CNTRL: variants seen among roughly 807,000 people sequenced by gnomAD.
CNTRL encodes centriolin, also known as 110 kDa centrosomal protein.
Under a neutral mutation model 303.7 loss-of-function variants are expected in CNTRL, and 233 were observed. The observed-to-expected ratio is 0.77, with a 90% CI of 0.69 to 0.86. CNTRL has a LOEUF of 0.86. Among genes scored for constraint, CNTRL ranks in the 40% least tolerant of loss-of-function variants. The pLI is 0.00. For missense variants in CNTRL, 2,524 were observed against 2,650.6 expected, an observed-to-expected ratio of 0.95 and a Z score of 1.05; for synonymous variants, 900 against 922.2, an observed-to-expected ratio of 0.98 and a Z score of 0.44.
chr9:121,122,010 T>A, intron 12 of CNTRL: 1 of 793,220 alleles, frequency 1.3e-6, no homozygotes, highest in Non-Finnish European at 1.5e-6. Context: ...GTCAGAGATG[T>A]AAGTTCCTGT....
chr9:121,161,056 G>A (rs1236294214), intron 32 of CNTRL, among the ~76,000 whole-genome samples: 2 of 152,244 alleles, frequency 1.3e-5, no homozygotes, highest in East Asian at 3.9e-4. Context: ...ATGCAAACAT[G>A]ACCATGAGAA....
At position 121,135,970 on chromosome 9, in the gene CNTRL, A is replaced by G. The variant is rs1412443471; in HGVS notation, c.2190A>G (p.Thr730=). 22 of 1,609,248 alleles carry G rather than the reference A, an allele frequency of 1.4e-5. No homozygotes were observed. Among genetic ancestry groups the G allele is most frequent in the Non-Finnish European group, 1.6e-5 (19 of 1,176,440 alleles). Residue 730 remains threonine (T), a synonymous_variant, in exon 15 of 44, where the codon ACA becomes ACG. Coordinates refer to ENST00000373855, the MANE Select transcript of CNTRL (RefSeq NM_007018.6). The stretch of plus-strand genomic sequence containing the variant: ...TCAAGGAAGAGTTGGAAAAAGTAAC[A>G]AGACTTACCCAGGTAAGTAGGAGCA... ...NQLKEELEKV[T]RLTQLEQSAL...
Position 121,144,911 on chromosome 9 carries a change from AG to A in CNTRL, c.3121del (p.Ala1041LeufsTer26). On this transcript the variant is annotated frameshift_variant, in exon 21 of 44. Coordinates refer to ENST00000373855, the MANE Select transcript of CNTRL (RefSeq NM_007018.6). LOFTEE classifies it high-confidence loss of function. ...QAARDLTRAEAEIELLQNLLR... is the reference protein window; with the variant it reads ...QAARDLTRAEXEIELLQNLLR... The stretch of plus-strand genomic sequence containing the variant: ...CAGCCAGAGATCTCACCCGAGCAGA[AG>A]CTGAGATCGAACTCCTGCAGAATCT... The A allele has an allele frequency of 6.2e-7, 1 of 1,613,622 alleles. No individual in the cohort carries two copies. The highest frequency in any genetic ancestry group is 8.5e-7 in the Non-Finnish European group (1 of 1,179,942).
intron 35 of CNTRL, 53 bp downstream of exon 35, chr9:121,165,153 T>C (rs2053035809): frequency 2.0e-6 from 3 of 1,476,168 alleles, no homozygotes; most frequent in Non-Finnish European, 2.7e-6. Context: ...CTTCGTTAGA[T>C]TCTTTGATTT....
At position 121,161,918 on chromosome 9, in the gene CNTRL, C is replaced by T. The variant is rs2052871440; in HGVS notation, c.5152C>T (p.Gln1718Ter). 1 of 1,614,150 alleles carries T rather than the reference C, an allele frequency of 6.2e-7. No individual in the cohort carries two copies. Residue 1718 changes from glutamine to a stop codon, truncating the protein, a stop_gained, in exon 33 of 44, where the codon CAA becomes TAA. Coordinates refer to ENST00000373855, the MANE Select transcript of CNTRL (RefSeq NM_007018.6). LOFTEE classifies it high-confidence loss of function. ...CCATGAGCTACAAGGTTTGAAGCTA[C>T]AACATGACCAAAGGGTATCTGAATT... is the stretch of plus-strand genomic sequence containing the variant. ...ENHELQGLKL[Q>*]HDQRVSELEK...
At position 121,150,279 on chromosome 9, in the gene CNTRL, T is replaced by C; in HGVS notation, c.3759T>C (p.Gly1253=). Residue 1253 remains glycine, a synonymous_variant, in exon 25 of 44, where the codon GGT becomes GGC. Transcript: ENST00000373855. The part of the protein sequence containing the change: ...GYMMYTVLPD[G]SPVPQGMALY... The stretch of plus-strand genomic sequence containing the variant: ...TGATGTATACTGTGCTTCCTGATGG[T>C]TCTCCTGTACCCCAGGGCATGGCCC... 2 of 1,614,118 alleles carry C rather than the reference T, an allele frequency of 1.2e-6. No individual in the cohort carries two copies. The highest frequency in any genetic ancestry group is 2.2e-5 in the East Asian group (1 of 44,876).
intron 12 of CNTRL, chr9:121,121,863 T>C (rs2050247741): frequency 2.0e-6 from 2 of 985,266 alleles, no homozygotes; most frequent in South Asian, 9.4e-5. Flanking sequence ...GAAGTGCACA[T>C]GAATTTGAAG....
At position 121,140,764 on chromosome 9, in the gene CNTRL, A is replaced by G. The variant is rs1363573819; in HGVS notation, c.2461A>G (p.Lys821Glu). The G allele has an allele frequency of 3.1e-6, 5 of 1,612,502 alleles. No individual in the cohort carries two copies. Among genetic ancestry groups the G allele is most frequent in the Non-Finnish European group, 4.2e-6 (5 of 1,178,852 alleles). The change falls in exon 17 of 44, where the codon AAA (lysine) becomes GAA (glutamate). Residue 821 changes from lysine to glutamate, a missense_variant. By Grantham distance (56) the Lys-to-Glu change is moderately conservative. Coordinates refer to ENST00000373855, the MANE Select transcript of CNTRL (RefSeq NM_007018.6). Reference protein sequence around the residue: ...ARVDELRRKLKLGTGEMNIHS... With the variant: ...ARVDELRRKLELGTGEMNIHS... ...TGTGGATGAGCTAAGAAGAAAACTGAAATTAGGAACTGGGGAAATGAAGTA... is the reference window on the plus strand; with the variant it reads ...TGTGGATGAGCTAAGAAGAAAACTGGAATTAGGAACTGGGGAAATGAAGTA...
chr9:121,167,222 G>T (rs1489744639), intron 36 of CNTRL, among the ~76,000 whole-genome samples: 5 of 151,732 alleles, frequency 3.3e-5, no homozygotes, highest in Non-Finnish European at 7.4e-5. Flanking sequence ...GAGACGGGAG[G>T]ATTGCTTGAA....
At position 121,134,289 on chromosome 9, in the gene CNTRL, TA is replaced by T. The variant is rs1466128016; in HGVS notation, c.2026-1516del. ...ATTCCCTAATGTCCTCTAATATCAT[TA>T]TTATTTTTTTTTTTTTTTGAGATGG... On this transcript the variant is annotated intron_variant, in intron 14 of 43. Coordinates refer to ENST00000373855, the MANE Select transcript of CNTRL (RefSeq NM_007018.6). Among the ~76,000 whole-genome samples, 270 of 102,152 alleles carry T rather than the reference TA, an allele frequency of 2.6e-3. 1 individual carries two copies. The highest frequency in any genetic ancestry group is 0.011 in the Middle Eastern group (2 of 182). The allele number at this position is 102,152 out of a possible 152,430, so 67.0% of individuals were successfully genotyped here. A position where few individuals can be genotyped will look rare whatever the true frequency, so the allele number is the denominator to read the frequency against.
chr9:121,141,280 G>A, intron 17 of CNTRL, 101 bp from the exon 18 acceptor site: 9 of 909,598 alleles, frequency 9.9e-6, no homozygotes, highest in Non-Finnish European at 1.2e-5. Context: ...ACCAGTCCCT[G>A]CACACAGCTT....
At chr9:121,088,601 A>G (rs2048439545) in intron 3 of CNTRL, 58 bp downstream of exon 3, 2 of 1,171,480 alleles carry the variant, frequency 1.7e-6, no homozygotes, top group Admixed American at 2.2e-5. Context: ...GAGATGGAAA[A>G]TTTTCGGCTT....
chr9:121,124,862 T>TGG (rs2050422257), intron 13 of CNTRL, among the ~76,000 whole-genome samples: 1 of 151,184 alleles, frequency 6.6e-6, no homozygotes, highest in Admixed American at 6.6e-5. Context: ...GAGGATCACC[T>TGG]GAGCTCAGGG....
intron 24 of CNTRL, among the ~76,000 whole-genome samples, chr9:121,149,113 T>C (rs376818348): frequency 6.6e-6 from 1 of 152,204 alleles, no homozygotes; most frequent in Non-Finnish European, 1.5e-5. Flanking sequence ...TGCTCCTAAA[T>C]GGAGCCTTCT....
chr9:121,165,824 A>C (rs535390560), intron 35 of CNTRL, among the ~76,000 whole-genome samples: 2 of 152,318 alleles, frequency 1.3e-5, no homozygotes, highest in East Asian at 3.9e-4. Flanking sequence ...TTCTACCAGC[A>C]ATGCAGAAGG....
intron 31 of CNTRL, 36 bp from the exon 32 acceptor site, chr9:121,160,107 C>T (rs779457133): frequency 6.5e-6 from 9 of 1,382,094 alleles, no homozygotes; most frequent in Non-Finnish European, 8.6e-6. Flanking sequence ...CATTTACAGT[C>T]ACAGGAGGGA....
chr9:121,116,446 G>C, intron 11 of CNTRL, among the ~76,000 whole-genome samples: 1 of 151,982 alleles, frequency 6.6e-6, no homozygotes, highest in Non-Finnish European at 1.5e-5. Context: ...TTAGCTTCCA[G>C]AATAGCTGGG....
chr9:121,140,589 T>G, intron 16 of CNTRL, 52 bp from the exon 17 acceptor site: 2 of 1,498,626 alleles, frequency 1.3e-6, no homozygotes, highest in Non-Finnish European at 1.8e-6. Flanking sequence ...TCGTTAGTAG[T>G]GAAAATATGC....
chr9:121,092,339 C>G (rs2048614502), intron 4 of CNTRL, among the ~76,000 whole-genome samples: 1 of 141,508 alleles, frequency 7.1e-6, no homozygotes, highest in Non-Finnish European at 1.5e-5. Context: ...TACTTGTTGA[C>G]TAAAAGAATG....
Sources: gnomAD v4.1 joint callset for allele counts (sites outside exome capture counted in the v4.1 genomes callset) on GRCh38, gnomAD v4.1.1 for gene constraint, MANE v1.5 for transcripts, NCBI Gene and HGNC (gene_info 2026-07-23, HGNC 2026-07-21) for gene names.